Variants in MKLN1 observed in about 807,000 individuals in gnomAD.
MKLN1 encodes muskelin.
In MKLN1, 18 loss-of-function variants were observed where a neutral mutation model predicts 99.0. The ratio of observed to expected loss-of-function variants is 0.18; its 90% CI spans 0.13 to 0.27. The LOEUF is 0.27. Ranked by LOEUF, MKLN1 falls within the 10% of genes least tolerant of loss-of-function variation. MKLN1 has a pLI of 1.00. For synonymous variants in MKLN1, 288 were observed against 293.2 expected (o/e 0.98, Z 0.18); for missense variants, 621 against 875.9 (o/e 0.71, Z 3.67).
chr7:131,308,787 G>A (rs372863703), intron 3 of MKLN1, among the ~76,000 whole-genome samples: 2 of 151,056 alleles, frequency 1.3e-5, no homozygotes, highest in African/African-American at 2.4e-5. Context: ...GTTTCTCCAT[G>A]TTAGTCAAGC....
intron 3 of MKLN1, among the ~76,000 whole-genome samples, chr7:131,300,955 A>G (rs1228158064): frequency 6.6e-6 from 1 of 152,154 alleles, no homozygotes; most frequent in Non-Finnish European, 1.5e-5. Flanking sequence ...AGAAATTCCA[A>G]AGGGAGGAGG....
At chr7:131,453,512 G>A (rs1796246575) in intron 12 of MKLN1, among the ~76,000 whole-genome samples, 1 of 152,096 alleles carries the variant, frequency 6.6e-6, no homozygotes, top group South Asian at 2.1e-4. Flanking sequence ...GCAACGGCAA[G>A]ACTCTTTCTC....
At chr7:131,384,862 C>G (rs1231287522) in intron 2 of MKLN1, among the ~76,000 whole-genome samples, 1 of 152,176 alleles carries the variant, frequency 6.6e-6, no homozygotes, top group African/African-American at 2.4e-5. Flanking sequence ...ACACCACCAG[C>G]TTAATTCTTT....
intron 16 of MKLN1, among the ~76,000 whole-genome samples, chr7:131,476,987 A>G (rs1402564747): frequency 6.6e-6 from 1 of 152,208 alleles, no homozygotes; most frequent in Non-Finnish European, 1.5e-5. Context: ...GGGAAAAGAA[A>G]GTTTTTAACA....
intron 17 of MKLN1, among the ~76,000 whole-genome samples, chr7:131,485,537 G>T (rs1186041752): frequency 1.3e-5 from 2 of 152,064 alleles, no homozygotes; most frequent in Non-Finnish European, 2.9e-5. Flanking sequence ...TACAAAGGTA[G>T]AAAAGAACAC....
chr7:131,148,034 G>A (rs2116277495), intron 2 of MKLN1, among the ~76,000 whole-genome samples: 1 of 152,188 alleles, frequency 6.6e-6, no homozygotes, highest in East Asian at 1.9e-4. Flanking sequence ...GTTTTTTCAG[G>A]GCAGTCAGAT....
intron 3 of MKLN1, among the ~76,000 whole-genome samples, chr7:131,276,046 C>G (rs1356737416): frequency 6.6e-6 from 1 of 152,172 alleles, no homozygotes; most frequent in African/African-American, 2.4e-5. Flanking sequence ...TAGACTGTGT[C>G]GTCTTCACAC....
At chr7:131,260,209 AT>A (rs895550628) in intron 3 of MKLN1, among the ~76,000 whole-genome samples, 1 of 151,822 alleles carries the variant, frequency 6.6e-6, no homozygotes, top group East Asian at 1.9e-4. Flanking sequence ...TGCCTGGCTA[AT>A]TTTTTTTGTA....
intron 3 of MKLN1, among the ~76,000 whole-genome samples, chr7:131,319,641 G>A (rs1050938216): frequency 6.6e-6 from 1 of 152,182 alleles, no homozygotes; most frequent in Non-Finnish European, 1.5e-5. Flanking sequence ...AATAGAAAGA[G>A]AGGAAGTCAA....
At chr7:131,195,381 C>T (rs1448744553) in intron 2 of MKLN1, among the ~76,000 whole-genome samples, 8 of 151,720 alleles carry the variant, frequency 5.3e-5, no homozygotes, top group East Asian at 1.9e-4. Context: ...CATGGTGGCA[C>T]GTGCCTGTAA....
At chr7:131,364,606 T>C (rs577023952) in intron 1 of MKLN1, among the ~76,000 whole-genome samples, 2 of 152,188 alleles carry the variant, frequency 1.3e-5, no homozygotes, top group South Asian at 4.1e-4. Flanking sequence ...ATCTTTTCTC[T>C]TTTCTGCTCT....
At position 131,450,514 on chromosome 7, in the gene MKLN1, A is replaced by G. The variant is rs567890590; in HGVS notation, c.1525+4611A>G. Among the ~76,000 whole-genome samples, 50 of 152,320 alleles carry G rather than the reference A, an allele frequency of 3.3e-4. 1 individual carries two copies. In the South Asian group the frequency reaches 8.7e-3, roughly 27 times the overall value. On this transcript the variant is annotated intron_variant, in intron 12 of 17. Transcript: ENST00000352689. The stretch of plus-strand genomic sequence containing the variant: ...GCCCTCAGGATTAAGTCTAAACTTA[A>G]CATAATTCACAGACTCTTTTATGAT...
chr7:131,468,973 C>T lies in MKLN1; in HGVS notation c.1929-1869C>T, dbSNP rs530452087. 1.4e-4 allele frequency among the ~76,000 whole-genome samples: 21 copies of T among 152,260 alleles called. No homozygotes were observed. The East Asian group carries it at 1.9e-3, about 14-fold the overall frequency. On this transcript the variant is annotated intron_variant, in intron 15 of 17. Transcript: ENST00000352689. The stretch of plus-strand genomic sequence containing the variant: ...TTAAGGCACCTTCTCAGCATTTGAA[C>T]GGTGAAACTGGATGGAGAATTGTTT...
At chr7:131,288,690 G>A (rs933817375) in intron 3 of MKLN1, among the ~76,000 whole-genome samples, 16 of 152,148 alleles carry the variant, frequency 1.1e-4, no homozygotes, top group Admixed American at 1.0e-3. Context: ...CCCTTCAGTA[G>A]TCAGTATCTG....
chr7:131,449,974 G>A (rs1257005708), intron 12 of MKLN1, among the ~76,000 whole-genome samples: 1 of 152,166 alleles, frequency 6.6e-6, no homozygotes, highest in African/African-American at 2.4e-5. Context: ...TGGTGTTACT[G>A]TTGGGTGCCT....
intron 1 of MKLN1, among the ~76,000 whole-genome samples, chr7:131,137,286 T>G (rs66656916): frequency 0.14 from 21,363 of 152,170 alleles, 1,635 homozygotes; most frequent in African/African-American, 0.2. Context: ...AGAAAAATGT[T>G]ACCCCCCAAA....
intron 3 of MKLN1, among the ~76,000 whole-genome samples, chr7:131,204,239 A>G (rs553912528): frequency 6.6e-6 from 1 of 152,200 alleles, no homozygotes. Flanking sequence ...ATCTTGGTCT[A>G]CTTGGGGAAT....
chr7:131,398,289 A>G (rs756237318), intron 5 of MKLN1, among the ~76,000 whole-genome samples: 7 of 151,962 alleles, frequency 4.6e-5, no homozygotes, highest in Non-Finnish European at 1.0e-4. Flanking sequence ...TTTGGCATCT[A>G]TCCTATTAGG....
At chr7:131,422,125 T>C (rs1305088344) in intron 8 of MKLN1, among the ~76,000 whole-genome samples, 1 of 152,210 alleles carries the variant, frequency 6.6e-6, no homozygotes, top group Non-Finnish European at 1.5e-5. Flanking sequence ...GTATGCATTT[T>C]AAAGTTTTCT....
Sources: allele counts gnomAD v4.1 joint callset (sites outside exome capture counted in the v4.1 genomes callset), GRCh38; gene constraint gnomAD v4.1.1; transcripts MANE v1.5; gene names NCBI Gene and HGNC (gene_info 2026-07-23, HGNC 2026-07-21).